The following CNTN1 variants were observed in gnomAD, a reference collection of about 807,000 sequenced individuals.
CNTN1 encodes contactin-1.
CNTN1 carries 38 observed loss-of-function variants against 126.4 expected under a neutral mutation model. The ratio of observed to expected loss-of-function variants is 0.30; its 90% CI spans 0.23 to 0.39. The LOEUF (loss-of-function observed/expected upper bound fraction) is 0.39, where lower values mean the gene tolerates loss of function less well. Ranked by LOEUF, CNTN1 falls within the 10% of genes least tolerant of loss-of-function variation. The probability of loss-of-function intolerance (pLI) is 1.00; values close to 1 mark genes in which losing one functional copy is unlikely to be tolerated. For synonymous variants in CNTN1, 413 were observed against 422.6 expected, an observed-to-expected ratio of 0.98 and a Z score of 0.28; for missense variants, 1,009 against 1,248.4, an observed-to-expected ratio of 0.81 and a Z score of 2.89.
chr12:40,800,128 G>C (rs952724684), intron 1 of CNTN1, among the ~76,000 whole-genome samples: 1 of 151,916 alleles, frequency 6.6e-6, no homozygotes, highest in Non-Finnish European at 1.5e-5. Context: ...CCAGGTGGAG[G>C]TAATTGGATC....
intron 23 of CNTN1, among the ~76,000 whole-genome samples, chr12:41,042,026 C>A (rs1949426700): frequency 6.6e-6 from 1 of 152,060 alleles, no homozygotes; most frequent in South Asian, 2.1e-4. Flanking sequence ...AGTTTTGGAT[C>A]TTTCCTGCTT....
chr12:40,856,794 A>C (rs1380655156), intron 1 of CNTN1, among the ~76,000 whole-genome samples: 1 of 152,046 alleles, frequency 6.6e-6, no homozygotes, highest in Non-Finnish European at 1.5e-5. Context: ...TGCAAGGTTG[A>C]CTTTGAGGTA....
intron 17 of CNTN1, among the ~76,000 whole-genome samples, chr12:40,997,193 A>T (rs1948239831): frequency 6.6e-6 from 1 of 152,240 alleles, no homozygotes; most frequent in Non-Finnish European, 1.5e-5. Flanking sequence ...TAACAAAAGT[A>T]CCCTTTGAAA....
chr12:40,868,741 T>C (rs1003352782), intron 1 of CNTN1, among the ~76,000 whole-genome samples: 1 of 152,102 alleles, frequency 6.6e-6, no homozygotes. Flanking sequence ...CCTGACAATT[T>C]CATGGTCTTT....
rs550903642 is a variant in CNTN1, at chr12:40,793,825, C to T, written c.-77+101233C>T. Among the ~76,000 whole-genome samples, 3 of 152,138 alleles carry T rather than the reference C, an allele frequency of 2.0e-5. 1 individual carries two copies. Among genetic ancestry groups the T allele is most frequent in the African/African-American group, 7.2e-5 (3 of 41,550 alleles). ...CTTTCTGCTTGCTCTGAATCTAGTA[C>T]TTATTTTTATCACAGCCTTATAACA... On this transcript the variant is annotated intron_variant, in intron 1 of 23. Transcript: ENST00000551295.
chr12:40,819,519 A>C (rs115675665), intron 1 of CNTN1, among the ~76,000 whole-genome samples: 3,407 of 152,298 alleles, frequency 0.022, 126 homozygotes, highest in African/African-American at 0.077. Context: ...CAAGCTATCC[A>C]GTCTTCCTGG....
chr12:41,043,353 C>T (rs1289229688), intron 23 of CNTN1, among the ~76,000 whole-genome samples: 3 of 152,146 alleles, frequency 2.0e-5, no homozygotes, highest in Admixed American at 6.5e-5. Context: ...CATGAACAGA[C>T]ACTTCTCAAA....
At chr12:41,010,152 C>A (rs1366878296) in intron 17 of CNTN1, among the ~76,000 whole-genome samples, 22 of 152,052 alleles carry the variant, frequency 1.4e-4, no homozygotes. Context: ...AGGAGATCTA[C>A]CTTCCTTCAA....
At chr12:40,877,126 C>A (rs1428487494) in intron 1 of CNTN1, among the ~76,000 whole-genome samples, 2 of 152,154 alleles carry the variant, frequency 1.3e-5, no homozygotes, top group African/African-American at 4.8e-5. Context: ...CCTTCGACAA[C>A]TGTCACCATC....
chr12:40,814,228 T>C lies in CNTN1; in HGVS notation c.-76-94129T>C, dbSNP rs138621518. Among the ~76,000 whole-genome samples the C allele has an allele frequency of 3.7e-3, 568 of 152,324 alleles. 5 individuals are homozygous for C. Among genetic ancestry groups the C allele is most frequent in the African/African-American group, 0.013 (544 of 41,588 alleles). Reference sequence around the variant, plus strand: ...AGATCCCATTTGTCAATTTTGGCTTTTGTTGCAATTACTTTTGGAGTTTTT... The same window carrying C: ...AGATCCCATTTGTCAATTTTGGCTTCTGTTGCAATTACTTTTGGAGTTTTT... On this transcript the variant is annotated intron_variant, in intron 1 of 23. Transcript: ENST00000551295.
At chr12:40,855,133 C>T (rs1157083839) in intron 1 of CNTN1, among the ~76,000 whole-genome samples, 1 of 152,102 alleles carries the variant, frequency 6.6e-6, no homozygotes, top group African/African-American at 2.4e-5. Context: ...GTGCAGTAAC[C>T]TTGGATAGAA....
At chr12:40,821,970 T>C (rs924308889) in intron 1 of CNTN1, among the ~76,000 whole-genome samples, 2 of 151,586 alleles carry the variant, frequency 1.3e-5, no homozygotes, top group Admixed American at 1.3e-4. Context: ...AAAAACAAAA[T>C]CAAAATTTGT....
At chr12:40,964,529 T>TGA (rs771025151) in intron 15 of CNTN1, among the ~76,000 whole-genome samples, 3 of 136,944 alleles carry the variant, frequency 2.2e-5, no homozygotes, top group Admixed American at 7.0e-5. Context: ...TAAGTGAGTG[T>TGA]GTGTGTGTGT....
intron 23 of CNTN1, among the ~76,000 whole-genome samples, chr12:41,035,727 T>C (rs536246088): frequency 6.6e-6 from 1 of 152,276 alleles, no homozygotes; most frequent in South Asian, 2.1e-4. Context: ...ACTAGCCATA[T>C]GACAAAAGTG....
chr12:40,742,268 T>C (rs540764511), intron 1 of CNTN1: 1 of 152,142 alleles, frequency 6.6e-6, no homozygotes, highest in Non-Finnish European at 1.5e-5. Flanking sequence ...GACTGCCAAG[T>C]TGAGTTTACA....
At chr12:40,962,630 C>A (rs924409929) in intron 15 of CNTN1, among the ~76,000 whole-genome samples, 1 of 152,006 alleles carries the variant, frequency 6.6e-6, no homozygotes, top group Non-Finnish European at 1.5e-5. Context: ...TAGAAAATGT[C>A]CCCGATAATA....
chr12:40,699,303 G>T (rs1248774921), intron 1 of CNTN1, among the ~76,000 whole-genome samples: 1 of 152,054 alleles, frequency 6.6e-6, no homozygotes, highest in Non-Finnish European at 1.5e-5. Flanking sequence ...ACAAATGAAG[G>T]ATTCATATCT....
intron 14 of CNTN1, among the ~76,000 whole-genome samples, chr12:40,948,078 T>C (rs549863913): frequency 9.1e-4 from 138 of 151,842 alleles, no homozygotes; most frequent in African/African-American, 3.2e-3. Context: ...TCAGGTTACT[T>C]CACTGGGTTT....
chr12:40,843,067 C>G (rs34862559), intron 1 of CNTN1, among the ~76,000 whole-genome samples: 8,298 of 152,218 alleles, frequency 0.055, 253 homozygotes, highest in Middle Eastern at 0.11. Flanking sequence ...AGAATCAACA[C>G]TGTCAGCTTC....
Sources: allele counts gnomAD v4.1 joint callset (sites outside exome capture counted in the v4.1 genomes callset), GRCh38; gene constraint gnomAD v4.1.1; transcripts MANE v1.5; gene names NCBI Gene and HGNC (gene_info 2026-07-23, HGNC 2026-07-21).